Variants in PEBP4 observed in about 807,000 individuals in gnomAD.
PEBP4 encodes the protein phosphatidylethanolamine-binding protein 4.
In PEBP4, 22 loss-of-function variants were observed where a neutral mutation model predicts 23.9. The observed-to-expected ratio is 0.92, with a 90% CI of 0.66 to 1.31. The LOEUF (loss-of-function observed/expected upper bound fraction) is 1.31, where lower values mean the gene tolerates loss of function less well. Ranked by LOEUF, PEBP4 falls within the 40% of genes most tolerant of loss-of-function variation. The pLI is 0.00. For missense variants in PEBP4, 324 were observed against 281.7 expected (o/e 1.15, Z -1.07); for synonymous variants, 112 against 99.3 (o/e 1.13, Z -0.76).
At chr8:22,882,559 G>T (rs920935554) in intron 3 of PEBP4, among the ~76,000 whole-genome samples, 1 of 152,200 alleles carries the variant, frequency 6.6e-6, no homozygotes, top group African/African-American at 2.4e-5. Flanking sequence ...AAAAGGGACC[G>T]TGGCTCCCGG....
chr8:22,863,416 G>A (rs1193503862), intron 3 of PEBP4, among the ~76,000 whole-genome samples: 2 of 152,180 alleles, frequency 1.3e-5, no homozygotes, highest in African/African-American at 4.8e-5. Context: ...CTGGTAAGGA[G>A]GCTTCCTACA....
At chr8:22,831,133 T>G (rs779109182) in intron 3 of PEBP4, among the ~76,000 whole-genome samples, 11 of 152,150 alleles carry the variant, frequency 7.2e-5, no homozygotes, top group African/African-American at 1.2e-4. Flanking sequence ...GAACACCCCA[T>G]CCCTGGAACT....
chr8:22,801,182 G>A (rs1806373288), intron 4 of PEBP4, among the ~76,000 whole-genome samples: 2 of 152,190 alleles, frequency 1.3e-5, no homozygotes, highest in South Asian at 2.1e-4. Context: ...AGTCACAGCT[G>A]TGCCTGAGAA....
At chr8:22,935,768 C>T (rs2128783332) in intron 1 of PEBP4, among the ~76,000 whole-genome samples, 1 of 152,122 alleles carries the variant, frequency 6.6e-6, no homozygotes, top group Non-Finnish European at 1.5e-5. Flanking sequence ...AGACTTAGGT[C>T]CCATCTCCAA....
chr8:22,798,704 AAATT>A (rs1220444989), intron 4 of PEBP4: 10 of 140,088 alleles, frequency 7.1e-5, no homozygotes, highest in Admixed American at 6.6e-4. Flanking sequence ...TCATGTCCAT[AAATT>A]TTTTTTTCTT....
intron 4 of PEBP4, among the ~76,000 whole-genome samples, chr8:22,736,048 T>C (rs556264641): frequency 6.2e-4 from 94 of 152,314 alleles, no homozygotes; most frequent in African/African-American, 2.1e-3. Flanking sequence ...TTCGAGCCCC[T>C]GGTGCCTCTG....
chr8:22,920,094 C>T (rs922975984), intron 3 of PEBP4, 90 bp downstream of exon 3: 54 of 1,519,512 alleles, frequency 3.6e-5, no homozygotes, highest in South Asian at 5.0e-5. Flanking sequence ...TGGCTCTGCA[C>T]GCAGCTTCAA....
chr8:22,819,216 G>A (rs1806808197), intron 3 of PEBP4, among the ~76,000 whole-genome samples: 1 of 152,150 alleles, frequency 6.6e-6, no homozygotes, highest in African/African-American at 2.4e-5. Context: ...ATCAGGGAAA[G>A]GGGACTTTAG....
intron 4 of PEBP4, among the ~76,000 whole-genome samples, chr8:22,781,784 C>T (rs774642849): frequency 5.8e-4 from 89 of 152,344 alleles, no homozygotes; most frequent in Non-Finnish European, 7.6e-4. Flanking sequence ...CCCCAGCTCA[C>T]GGCTGGAGGT....
At chr8:22,920,412 G>A in intron 2 of PEBP4, 102 bp from the exon 3 acceptor site, 1 of 1,324,374 alleles carries the variant, frequency 7.6e-7, no homozygotes. Context: ...AGTGAAATGG[G>A]ATCAAATCCT....
In PEBP4 at chr8:22,857,935, T is replaced by C. The variant is rs954335922; in HGVS notation, c.259-40200A>G. Among the ~76,000 whole-genome samples, 8 of 152,194 alleles carry C rather than the reference T, an allele frequency of 5.3e-5. No homozygotes were observed. In the East Asian group the frequency reaches 1.5e-3, roughly 29 times the overall value. On this transcript the variant is annotated intron_variant, in intron 3 of 6. Coordinates refer to ENST00000256404, the MANE Select transcript of PEBP4 (RefSeq NM_144962.3). The stretch of plus-strand genomic sequence containing the variant: ...GTCCGTCACCTGACTTACATGCCCC[T>C]GGTGCATGGTGTGTTGGGCGATGCT...
chr8:22,855,006 A>ATG (rs1554491775), intron 3 of PEBP4, among the ~76,000 whole-genome samples: 1 of 18,358 alleles, frequency 5.4e-5, no homozygotes, highest in Non-Finnish European at 1.3e-4. Flanking sequence ...GCACGCACAC[A>ATG]CACACACACA....
intron 4 of PEBP4, among the ~76,000 whole-genome samples, chr8:22,771,655 C>CAG (rs1805719985): frequency 6.6e-6 from 1 of 152,240 alleles, no homozygotes; most frequent in East Asian, 1.9e-4. Context: ...GGCGCAGACA[C>CAG]TGGACCAAAT....
At chr8:22,816,133 T>G (rs1046860788) in intron 4 of PEBP4, among the ~76,000 whole-genome samples, 6 of 152,212 alleles carry the variant, frequency 3.9e-5, no homozygotes, top group Non-Finnish European at 1.5e-5. Context: ...GTTCTTTCTC[T>G]TTCATGCCCA....
intron 4 of PEBP4, among the ~76,000 whole-genome samples, chr8:22,796,793 G>T (rs1806268750): frequency 1.3e-5 from 2 of 152,284 alleles, no homozygotes; most frequent in South Asian, 4.1e-4. Context: ...GACTCTAATA[G>T]GTGGGAGGGA....
intron 4 of PEBP4, chr8:22,798,707 TTTTTTTTTCTTTTCTTTTTTC>T (rs1806314884): frequency 1.5e-5 from 2 of 130,504 alleles, no homozygotes; most frequent in African/African-American, 5.9e-5. Context: ...TGTCCATAAA[TTTTTTTTTCTTTTCTTTTTTC>T]TTTTTTTTTT....
chr8:22,716,603 G>T (rs554202875), intron 6 of PEBP4, among the ~76,000 whole-genome samples: 3 of 152,352 alleles, frequency 2.0e-5, no homozygotes, highest in Admixed American at 2.0e-4. Context: ...TCCACCCCAA[G>T]CTTCCCAAAT....
chr8:22,865,006 G>A lies in PEBP4; in HGVS notation c.259-47271C>T, dbSNP rs1807856587. 6.6e-6 allele frequency among the ~76,000 whole-genome samples: 1 copy of A among 152,200 alleles called. No individual in the cohort carries two copies. The highest frequency in any genetic ancestry group is 2.1e-4 in the South Asian group (1 of 4,826). On this transcript the variant is annotated intron_variant, in intron 3 of 6. Coordinates refer to ENST00000256404, the MANE Select transcript of PEBP4 (RefSeq NM_144962.3). This position sits in a 1 kb window ranked among gnomAD's most constrained non-coding sequence, Gnocchi z 6.9. ...GCGGGGCGGGCAGCACGAGGGGGCA[G>A]GTGTGACCGTGAGAGAGGGAGGCAG... is the stretch of plus-strand genomic sequence containing the variant.
intron 3 of PEBP4, among the ~76,000 whole-genome samples, chr8:22,836,720 G>C (rs746718897): frequency 1.3e-5 from 2 of 152,174 alleles, no homozygotes; most frequent in African/African-American, 4.8e-5. Flanking sequence ...CGTACCCCGG[G>C]TCACTGCAAC....
Sources: allele counts gnomAD v4.1 joint callset (sites outside exome capture counted in the v4.1 genomes callset), GRCh38; gene constraint gnomAD v4.1.1; non-coding constraint Gnocchi (gnomAD v3.1); transcripts MANE v1.5; gene names NCBI Gene and HGNC (gene_info 2026-07-23, HGNC 2026-07-21).